Variants in GAREM1 observed in about 807,000 individuals in gnomAD.
GAREM1 encodes GRB2-associated and regulator of MAPK protein 1.
A neutral mutation model predicts 71.3 loss-of-function variants in GAREM1; 26 were observed. That is an observed-to-expected ratio of 0.36 (90% CI 0.27 to 0.51). GAREM1 has a LOEUF of 0.51. Ranked by LOEUF, GAREM1 falls within the 20% of genes least tolerant of loss-of-function variation. The pLI is 0.95. For synonymous variants in GAREM1, 440 were observed against 433.2 expected, an observed-to-expected ratio of 1.02 and a Z score of -0.20; for missense variants, 1,026 against 1,103.1, an observed-to-expected ratio of 0.93 and a Z score of 0.99.
chr18:32,435,709 T>C (rs1375729148), intron 1 of GAREM1, among the ~76,000 whole-genome samples: 5 of 152,156 alleles, frequency 3.3e-5, no homozygotes, highest in Admixed American at 2.6e-4. Context: ...AGGAGGAAGA[T>C]GTTGCTGTAG....
intron 2 of GAREM1, among the ~76,000 whole-genome samples, chr18:32,360,471 GT>G (rs796146118): frequency 3.3e-5 from 5 of 152,170 alleles, no homozygotes; most frequent in African/African-American, 1.2e-4. Flanking sequence ...TTGTTGACTG[GT>G]TAATTTCACT....
In GAREM1 at chr18:32,266,655, C is replaced by T. The variant is rs1366958182; in HGVS notation, c.*1216G>A. The T allele has an allele frequency of 6.6e-6, 1 of 152,080 alleles. No individual in the cohort carries two copies. Among genetic ancestry groups the T allele is most frequent in the East Asian group, 1.9e-4 (1 of 5,194 alleles). 9.4% of individuals were successfully genotyped at this position (152,080 alleles called of 1,614,324 possible). ...GAAGTGGTTTATGAAATAAACAAGTCCTCTTATTGGTATTTTAAAAATACT... is the reference window on the plus strand; with the variant it reads ...GAAGTGGTTTATGAAATAAACAAGTTCTCTTATTGGTATTTTAAAAATACT... On this transcript the variant is annotated 3_prime_UTR_variant, in exon 6 of 6. Coordinates refer to ENST00000269209, the MANE Select transcript of GAREM1 (RefSeq NM_001242409.2).
chr18:32,310,185 G>GCTA lies in GAREM1; in HGVS notation c.393+5_393+7dup, dbSNP rs1197132793. 3.1e-6 allele frequency: 5 copies of GCTA among 1,613,466 alleles called. No homozygotes were observed. Among genetic ancestry groups the GCTA allele is most frequent in the Admixed American group, 3.3e-5 (2 of 59,892 alleles). ...AGTATAAATATTTGGTGCTTCAAGA[G>GCTA]CTACTACCTTCACGTTGAATGTGAT... On this transcript the variant is annotated splice_region_variant and intron_variant, in intron 3 of 5. Coordinates refer to ENST00000269209, the MANE Select transcript of GAREM1 (RefSeq NM_001242409.2).
rs1396070230 is a variant in GAREM1 at position 32,287,686 on chromosome 18, G to C, written c.911C>G (p.Pro304Arg). The change falls in exon 4 of 6, where the codon CCC becomes CGC. Residue 304 changes from proline (P) to arginine (R), a missense_variant. Pro to Arg is a moderately radical substitution (Grantham distance 103). This residue lies in a region of GAREM1 where 218 missense variants were observed against 296.8 expected (regional missense o/e 0.73). Coordinates refer to ENST00000269209, the MANE Select transcript of GAREM1 (RefSeq NM_001242409.2). The surrounding 1 kb of genome is among the most constrained non-coding windows in gnomAD (Gnocchi z 5.9). ...PMHFPLHLTVPKFSLPEHLVK... is the reference protein window; with the variant it reads ...PMHFPLHLTVRKFSLPEHLVK... ...CAGGTGTTCTGGGAGGCTGAACTTG[G>C]GGACAGTCAAGTGCAAAGGAAAGTG... 6.2e-7 allele frequency: 1 copy of C among 1,614,042 alleles called. No individual in the cohort carries two copies. Among genetic ancestry groups the C allele is most frequent in the Non-Finnish European group, 8.5e-7 (1 of 1,180,044 alleles).
chr18:32,412,592 A>C (rs2048431258), intron 1 of GAREM1: 3 of 1,533,202 alleles, frequency 2.0e-6, no homozygotes, highest in Non-Finnish European at 2.7e-6. Flanking sequence ...AACCACTTCG[A>C]CCTCTTTGGC....
intron 1 of GAREM1, among the ~76,000 whole-genome samples, chr18:32,428,573 G>C (rs1018498747): frequency 6.6e-6 from 1 of 152,152 alleles, no homozygotes; most frequent in African/African-American, 2.4e-5. Context: ...TGCCATGATT[G>C]TAAGTTTCCT....
At chr18:32,365,125 G>A (rs953012069) in intron 2 of GAREM1, among the ~76,000 whole-genome samples, 21 of 152,070 alleles carry the variant, frequency 1.4e-4, no homozygotes, top group African/African-American at 3.6e-4. Flanking sequence ...TTAAATGAGC[G>A]GAGGGCTGTA....
At chr18:32,310,059 T>C (rs892308615) in intron 3 of GAREM1, 134 bp downstream of exon 3, 19 of 834,874 alleles carry the variant, frequency 2.3e-5, no homozygotes, top group Non-Finnish European at 3.3e-5. Flanking sequence ...TATGTGGTTT[T>C]GGCTACTGCC....
At chr18:32,386,780 TAG>T (rs2048151142) in intron 2 of GAREM1, among the ~76,000 whole-genome samples, 1 of 152,212 alleles carries the variant, frequency 6.6e-6, no homozygotes, top group Non-Finnish European at 1.5e-5. Flanking sequence ...TGTCTCTTGC[TAG>T]AGTTTTCTTT....
At chr18:32,298,004 T>A (rs2047160632) in intron 3 of GAREM1, among the ~76,000 whole-genome samples, 1 of 152,248 alleles carries the variant, frequency 6.6e-6, no homozygotes, top group African/African-American at 2.4e-5. Flanking sequence ...AACTGAAAGA[T>A]AATGTCCACC....
At chr18:32,331,255 A>AC (rs2047532783) in intron 2 of GAREM1, among the ~76,000 whole-genome samples, 1 of 152,198 alleles carries the variant, frequency 6.6e-6, no homozygotes, top group African/African-American at 2.4e-5. Flanking sequence ...ACTAATGGGA[A>AC]CCTCACAACT....
At chr18:32,440,715 T>A (rs991918634) in intron 1 of GAREM1, among the ~76,000 whole-genome samples, 3 of 152,230 alleles carry the variant, frequency 2.0e-5, no homozygotes, top group African/African-American at 7.2e-5. Flanking sequence ...AAGAAAATTC[T>A]GTAGACAACA....
At chr18:32,459,303 A>T (rs2048929812) in intron 1 of GAREM1, among the ~76,000 whole-genome samples, 1 of 151,670 alleles carries the variant, frequency 6.6e-6, no homozygotes. Context: ...AACAAAATAA[A>T]CTCTCTGTGT....
intron 2 of GAREM1, among the ~76,000 whole-genome samples, chr18:32,362,948 A>G (rs1240719019): frequency 6.6e-6 from 1 of 152,224 alleles, no homozygotes; most frequent in East Asian, 1.9e-4. Flanking sequence ...CCTATGGCAA[A>G]TATGTCAAGT....
At chr18:32,365,199 T>C (rs1195358171) in intron 2 of GAREM1, among the ~76,000 whole-genome samples, 1 of 152,184 alleles carries the variant, frequency 6.6e-6, no homozygotes, top group East Asian at 1.9e-4. Flanking sequence ...TAATTTAAAA[T>C]ATAACCAGAA....
chr18:32,285,807 T>C (rs1164465668), intron 4 of GAREM1, among the ~76,000 whole-genome samples: 2 of 152,222 alleles, frequency 1.3e-5, no homozygotes, highest in East Asian at 1.9e-4. Context: ...TTCTTGATGA[T>C]TGTATTTCTA....
rs565572003 is a variant in GAREM1 at position 32,282,490 on chromosome 18, C to T, written c.1566+4541G>A. 2.6e-5 allele frequency among the ~76,000 whole-genome samples: 4 copies of T among 152,236 alleles called. No individual in the cohort carries two copies. In the South Asian group the frequency reaches 8.3e-4, roughly 32 times the overall value. Reference sequence around the variant, plus strand: ...GCTGGGGTCCCCAGATAGGACACTGCCACACAAATGGTTTTAGAAGAGCTG... The same window carrying T: ...GCTGGGGTCCCCAGATAGGACACTGTCACACAAATGGTTTTAGAAGAGCTG... On this transcript the variant is annotated intron_variant, in intron 4 of 5. Transcript: ENST00000269209.
rs1282470582 is a variant in GAREM1, at chr18:32,287,315, C to G, written c.1282G>C (p.Asp428His). ...GGGAAAAGGTAGTCGCTCCCACTAT[C>G]TCCAGAGTCCTGATAGGGCAGGATG... Reference protein sequence around the residue: ...HDILPYQDSGDSGSDYLFPEA... With the variant: ...HDILPYQDSGHSGSDYLFPEA... Residue 428 changes from aspartate (D) to histidine (H), a missense_variant, in exon 4 of 6, where the codon GAT becomes CAT. Asp to His is a moderately conservative substitution (Grantham distance 81, BLOSUM62 -1). This residue lies in a region of GAREM1 where 636 missense variants were observed against 631.2 expected (regional missense o/e 1.01). Coordinates refer to ENST00000269209, the MANE Select transcript of GAREM1 (RefSeq NM_001242409.2). The surrounding 1 kb of genome is among the most constrained non-coding windows in gnomAD (Gnocchi z 5.9). 5 of 1,614,184 alleles carry G rather than the reference C, an allele frequency of 3.1e-6. No homozygotes were observed. The South Asian group carries it at 5.5e-5, about 18-fold the overall frequency.
intron 1 of GAREM1, among the ~76,000 whole-genome samples, chr18:32,404,354 A>C (rs1385019212): frequency 6.6e-6 from 1 of 152,108 alleles, no homozygotes; most frequent in Non-Finnish European, 1.5e-5. Flanking sequence ...TTAACTACTG[A>C]TGAGTTTTCT....
Sources: allele counts gnomAD v4.1 joint callset (sites outside exome capture counted in the v4.1 genomes callset), GRCh38; gene constraint gnomAD v4.1.1; regional missense constraint gnomAD v4.1.1; non-coding constraint Gnocchi (gnomAD v3.1); transcripts MANE v1.5; gene names NCBI Gene and HGNC (gene_info 2026-07-23, HGNC 2026-07-21).